Variants in FAM217A observed in about 807,000 individuals in gnomAD.
The protein encoded by FAM217A is family with sequence similarity 217 member A.
A neutral mutation model predicts 18.5 loss-of-function variants in FAM217A; 13 were observed. That is an observed-to-expected ratio of 0.70 (90% confidence interval 0.46 to 1.12). The LOEUF (loss-of-function observed/expected upper bound fraction) is 1.12, where lower values mean the gene tolerates loss of function less well. Among genes scored for constraint, FAM217A ranks in the 50% most tolerant of loss-of-function variants. The pLI, the probability that FAM217A is intolerant of heterozygous loss-of-function variation, is 0.00. For missense variants in FAM217A, 560 were observed against 575.4 expected, an observed-to-expected ratio of 0.97 and a Z score of 0.27; for synonymous variants, 161 against 202.8, an observed-to-expected ratio of 0.79 and a Z score of 1.75.
intron 1 of FAM217A, among the ~76,000 whole-genome samples, chr6:4,085,317 T>A (rs1192474489): frequency 2.7e-5 from 4 of 146,910 alleles, no homozygotes; most frequent in African/African-American, 9.9e-5. Context: ...AAAAAATATA[T>A]ATATATATAT....
exon 2 of FAM217A, chr6:4,084,657 A>C (rs1366977197): frequency 1.4e-6 from 1 of 702,894 alleles, no homozygotes; most frequent in Non-Finnish European, 2.6e-6. Flanking sequence ...TGTGAACAGA[A>C]CACTTTCTTT....
chr6:4,074,511 A>T (rs1769642272), intron 3 of FAM217A, 55 bp from the exon 4 acceptor site: 1 of 1,581,952 alleles, frequency 6.3e-7, no homozygotes. Flanking sequence ...GATTATATTC[A>T]AAACAAACCC....
intron 1 of FAM217A, among the ~76,000 whole-genome samples, chr6:4,077,727 A>T: frequency 6.6e-6 from 1 of 152,224 alleles, no homozygotes; most frequent in Non-Finnish European, 1.5e-5. Flanking sequence ...TCAGCTAAGA[A>T]GATGAAATAC....
In FAM217A at chr6:4,069,373, C is replaced by A; in HGVS notation, c.850G>T (p.Glu284Ter). 6.2e-7 allele frequency: 1 copy of A among 1,614,044 alleles called. No homozygotes were observed. The highest frequency in any genetic ancestry group is 1.1e-5 in the South Asian group (1 of 91,062). The change falls in exon 7 of 7, where the codon GAA (glutamate) becomes TAA (stop). Residue 284 changes from glutamate to a stop codon, truncating the protein, a stop_gained. Coordinates refer to ENST00000274673, the MANE Select transcript of FAM217A (RefSeq NM_173563.3). LOFTEE classifies it low-confidence loss of function (END_TRUNC). ...TCCAGTAAACGAGTTATCAAGTGTT[C>A]AACAGAGGTTTCTGCAGGGTCCACT... ...VTVDPAETSV[E>*]HLITRLLELE...
rs569869794 is a variant in FAM217A, at chr6:4,086,065, C to T, written c.18+945G>A. On this transcript the variant is annotated intron_variant, in intron 1 of 8. Transcript: ENST00000639338. ...AGGAGGTCGAGGCTACAGTGAGCTG[C>T]ACTGCAGCCTGGGCCACAGAGCAAA... Among the ~76,000 whole-genome samples, 4 of 151,550 alleles carry T rather than the reference C, an allele frequency of 2.6e-5. No individual in the cohort carries two copies. In the South Asian group the frequency reaches 8.3e-4, roughly 32 times the overall value.
intron 4 of FAM217A, 146 bp downstream of exon 4, chr6:4,074,297 A>C: frequency 1.7e-6 from 1 of 584,490 alleles, no homozygotes; most frequent in Non-Finnish European, 2.9e-6. Flanking sequence ...TTGAAACTCT[A>C]AAATATTTGA....
rs990885444 is a variant in FAM217A, at chr6:4,078,888, C to T, written c.-71G>A. On this transcript the variant is annotated 5_prime_UTR_variant, in exon 1 of 7. Coordinates refer to ENST00000274673, the MANE Select transcript of FAM217A (RefSeq NM_173563.3). Reference sequence around the variant, plus strand: ...CCACGTGTCCTCCCCGGCGTGCTCTCCCGGTGCGCCGCCCCGAGGCCCGAG... The same window carrying T: ...CCACGTGTCCTCCCCGGCGTGCTCTTCCGGTGCGCCGCCCCGAGGCCCGAG... 23 of 568,490 alleles carry T rather than the reference C, an allele frequency of 4.0e-5. No individual in the cohort carries two copies. Among genetic ancestry groups the T allele is most frequent in the Middle Eastern group, 2.8e-4 (1 of 3,524 alleles). 35.2% of individuals were successfully genotyped at this position (568,490 alleles called of 1,614,324 possible).
intron 6 of FAM217A, among the ~76,000 whole-genome samples, chr6:4,070,923 G>C (rs1769362389): frequency 6.6e-6 from 1 of 151,982 alleles, no homozygotes; most frequent in East Asian, 1.9e-4. Context: ...TTCAGCCTCA[G>C]AGGTTGAGGC....
In FAM217A at chr6:4,069,147, G is replaced by T. The variant is rs760236247; in HGVS notation, c.1076C>A (p.Ser359Tyr). The change falls in exon 7 of 7, where the codon TCT (serine) becomes TAT (tyrosine). Residue 359 changes from serine (S) to tyrosine (Y), a missense_variant. Coordinates refer to ENST00000274673, the MANE Select transcript of FAM217A (RefSeq NM_173563.3). ...SQEKSKNNSG[S>Y]CKLEQNALKR... The stretch of plus-strand genomic sequence containing the variant: ...TAAAGCATTTTGTTCAAGCTTACAA[G>T]AACCAGAGTTGTTTTTACTTTTTTC... The T allele has an allele frequency of 2.5e-6, 4 of 1,614,028 alleles. No individual in the cohort carries two copies. The highest frequency in any genetic ancestry group is 1.3e-5 in the African/African-American group (1 of 75,032).
chr6:4,069,793 G>A lies in FAM217A; in HGVS notation c.430C>T (p.Pro144Ser). 1 of 1,614,148 alleles carries A rather than the reference G, an allele frequency of 6.2e-7. No individual in the cohort carries two copies. Among genetic ancestry groups the A allele is most frequent in the Non-Finnish European group, 8.5e-7 (1 of 1,180,020 alleles). The stretch of plus-strand genomic sequence containing the variant: ...GGCCAGCAGAGACCTAATGGCATTG[G>A]CAGTCCAGGGTAAGGACCAACTTGC... ...DKQVGPYPGL[P>S]MPLGLCWPYA... Residue 144 changes from proline to serine, a missense_variant, in exon 7 of 7, where the codon CCA becomes TCA. Pro to Ser is a moderately conservative substitution (Grantham distance 74). Coordinates refer to ENST00000274673, the MANE Select transcript of FAM217A (RefSeq NM_173563.3).
intron 1 of FAM217A, among the ~76,000 whole-genome samples, chr6:4,086,571 T>C (rs1368338943): frequency 6.6e-6 from 1 of 152,182 alleles, no homozygotes; most frequent in Admixed American, 6.5e-5. Context: ...TTAATAGTCT[T>C]AGCCAAAGGT....
intron 2 of FAM217A, 75 bp from the exon 3 acceptor site, chr6:4,074,736 G>T: frequency 8.9e-7 from 1 of 1,127,916 alleles, no homozygotes; most frequent in Non-Finnish European, 1.3e-6. Context: ...ACATGTTCTT[G>T]GGGTAAAGTA....
chr6:4,077,505 G>GA, intron 1 of FAM217A, 57 bp from the exon 2 acceptor site: 1 of 1,370,544 alleles, frequency 7.3e-7, no homozygotes, highest in South Asian at 1.2e-5. Context: ...TTATAAAAAA[G>GA]AAAGTGTGAG....
chr6:4,069,520 C>A lies in FAM217A; in HGVS notation c.703G>T (p.Glu235Ter). The change falls in exon 7 of 7, where the codon GAG (glutamate) becomes TAG (stop). Residue 235 changes from glutamate (E) to a stop codon, truncating the protein, a stop_gained. Transcript: ENST00000274673. LOFTEE classifies it low-confidence loss of function (END_TRUNC). ...TTTGGCTCCTCGGTGAAAGGTTCCT[C>A]AACATTTTTTATTGTTTCTGGCTTC... ...NLKPETIKNV[E>*]EPFTEEPNEV... 8 of 1,614,150 alleles carry A rather than the reference C, an allele frequency of 5.0e-6. No homozygotes were observed. Among genetic ancestry groups the A allele is most frequent in the Non-Finnish European group, 6.8e-6 (8 of 1,180,018 alleles).
In FAM217A at chr6:4,068,974, TGAATGAGA is replaced by T; in HGVS notation, c.1241_1248del (p.Leu414GlnfsTer13). 6.2e-7 allele frequency: 1 copy of T among 1,614,170 alleles called. No homozygotes were observed. The highest frequency in any genetic ancestry group is 8.5e-7 in the Non-Finnish European group (1 of 1,180,028). ...TGATTTGTATGGCCAATAGTAGGTT[TGAATGAGA>T]GTTCTTGGCATGGACTTAAAATAGA... On this transcript the variant is annotated frameshift_variant, in exon 7 of 7. Transcript: ENST00000274673. LOFTEE classifies it low-confidence loss of function (END_TRUNC).
At chr6:4,073,189 TG>T in intron 6 of FAM217A, 85 bp downstream of exon 6, 1 of 1,036,710 alleles carries the variant, frequency 9.6e-7, no homozygotes, top group Non-Finnish European at 1.4e-6. Flanking sequence ...TGGTTGTTCA[TG>T]GTCCTTGTAT....
At chr6:4,079,755 A>G (rs1420126072), upstream of FAM217A, 1 of 861,936 alleles carries the variant, frequency 1.2e-6, no homozygotes, top group East Asian at 9.9e-5. Context: ...CTTGTACAAT[A>G]TATTAACATA....
At chr6:4,078,573 G>A (rs1770024744) in intron 1 of FAM217A, among the ~76,000 whole-genome samples, 1 of 152,184 alleles carries the variant, frequency 6.6e-6, no homozygotes, top group Non-Finnish European at 1.5e-5. Flanking sequence ...GGGGCCACCG[G>A]GTGTGTGTCA....
rs1255140356 is a variant in FAM217A at position 4,069,679 on chromosome 6, G to A, written c.544C>T (p.Pro182Ser). Residue 182 changes from proline to serine, a missense_variant, in exon 7 of 7, where the codon CCT becomes TCT. Transcript: ENST00000274673. Reference protein sequence around the residue: ...TIENNDGETLPAPNWNLKHGN... With the variant: ...TIENNDGETLSAPNWNLKHGN... ...TGTTTCAAATTCCAATTTGGAGCAG[G>A]TAATGTTTCACCATCATTGTTTTCT... 1 of 1,614,086 alleles carries A rather than the reference G, an allele frequency of 6.2e-7. No homozygotes were observed. The highest frequency in any genetic ancestry group is 8.5e-7 in the Non-Finnish European group (1 of 1,180,012).
Sources: allele counts gnomAD v4.1 joint callset (sites outside exome capture counted in the v4.1 genomes callset), GRCh38; gene constraint gnomAD v4.1.1; transcripts MANE v1.5; gene names NCBI Gene and HGNC (gene_info 2026-07-23, HGNC 2026-07-21).